JMJD1C: variants seen among roughly 807,000 people sequenced by gnomAD.
JMJD1C encodes the protein jumonji domain-containing protein 1C.
JMJD1C carries 31 observed loss-of-function variants against 245.3 expected under a neutral mutation model. The observed-to-expected ratio is 0.13, with a 90% CI of 0.09 to 0.17. JMJD1C has a LOEUF of 0.17. JMJD1C is among the 10% of genes least tolerant of loss of function. The probability of loss-of-function intolerance (pLI) is 1.00; values close to 1 mark genes in which losing one functional copy is unlikely to be tolerated. For synonymous variants in JMJD1C, 1,057 were observed against 1,017.4 expected, an observed-to-expected ratio of 1.04 and a Z score of -0.74; for missense variants, 2,691 against 3,000.2, an observed-to-expected ratio of 0.90 and a Z score of 2.41.
chr10:63,430,935 G>A (rs774832561), intron 1 of JMJD1C, among the ~76,000 whole-genome samples: 32 of 152,010 alleles, frequency 2.1e-4, no homozygotes, highest in Admixed American at 5.2e-4. Flanking sequence ...TGTTTCGTTC[G>A]ATGAAGACGA....
At position 63,465,636 on chromosome 10, in the gene JMJD1C, C is replaced by T. The variant is rs750072663; in HGVS notation, c.27G>A (p.Leu9=). The change falls in exon 1 of 26, where the codon CTG becomes CTA. Residue 9 remains leucine (L), a synonymous_variant. Coordinates refer to ENST00000399262, the MANE Select transcript of JMJD1C (RefSeq NM_032776.3). ...CCACACACAGGAACCGCTTACCCAC[C>T]AGCTCTGCCCGCGTCTCTACCGCCA... MAVETRAE[L]VGKRFLCVAV... 6 of 1,609,738 alleles carry T rather than the reference C, an allele frequency of 3.7e-6. No homozygotes were observed. In the East Asian group the frequency reaches 6.7e-5, roughly 18 times the overall value.
chr10:63,181,819 A>G (rs1348653648), intron 22 of JMJD1C, among the ~76,000 whole-genome samples: 1 of 152,190 alleles, frequency 6.6e-6, no homozygotes, highest in East Asian at 1.9e-4. Flanking sequence ...AATGAGATAC[A>G]AAGGATGTAA....
intron 1 of JMJD1C, among the ~76,000 whole-genome samples, chr10:63,510,089 G>A (rs976543115): frequency 5.3e-5 from 8 of 151,032 alleles, no homozygotes; most frequent in Non-Finnish European, 1.2e-4. Context: ...TGCAAGCTCC[G>A]CCTCCTAGGT....
At chr10:63,269,347 T>C in intron 2 of JMJD1C, 2 of 308,360 alleles carry the variant, frequency 6.5e-6, no homozygotes, top group Non-Finnish European at 9.5e-6. Flanking sequence ...TGATTACTCA[T>C]TTGGCTGCGG....
intron 1 of JMJD1C, among the ~76,000 whole-genome samples, chr10:63,402,495 T>TTA (rs1298384212): frequency 6.6e-6 from 1 of 152,170 alleles, no homozygotes; most frequent in African/African-American, 2.4e-5. Context: ...TCATAATGCC[T>TTA]TATCCCCATT....
At chr10:63,221,959 TG>T (rs1415277947) in intron 3 of JMJD1C, among the ~76,000 whole-genome samples, 2 of 152,154 alleles carry the variant, frequency 1.3e-5, no homozygotes, top group Non-Finnish European at 2.9e-5. Flanking sequence ...TGACCTCAGG[TG>T]ATCCACCTGC....
At chr10:63,521,844 T>TGCGGCGCCCCTGCTCCG (rs1241282205) in exon 1 of JMJD1C, 1 of 188,314 alleles carries the variant, frequency 5.3e-6, no homozygotes, top group Non-Finnish European at 1.1e-5. Flanking sequence ...CTGCGTGCGG[T>TGCGGCGCCCCTGCTCCG]GCGGCGCGGC....
intron 1 of JMJD1C, among the ~76,000 whole-genome samples, chr10:63,516,471 T>C (rs1044825151): frequency 6.6e-6 from 1 of 152,204 alleles, no homozygotes; most frequent in African/African-American, 2.4e-5. Context: ...TGCACCTGAA[T>C]ACCTGAAATC....
rs529250439 is a variant in JMJD1C, at chr10:63,259,469, C to T, written c.447+5182G>A. Among the ~76,000 whole-genome samples the T allele has an allele frequency of 1.6e-4, 24 of 152,180 alleles. No individual in the cohort carries two copies. In the South Asian group the frequency reaches 4.8e-3, roughly 30 times the overall value. ...ACTCCCTAAACTACTGCAAACTTAC[C>T]CTAGGCAACTGTTTGAGCTATTTTT... On this transcript the variant is annotated intron_variant, in intron 3 of 25. Coordinates refer to ENST00000399262, the MANE Select transcript of JMJD1C (RefSeq NM_032776.3).
At chr10:63,248,827 A>C (rs558594676) in intron 3 of JMJD1C, among the ~76,000 whole-genome samples, 12 of 152,360 alleles carry the variant, frequency 7.9e-5, no homozygotes, top group African/African-American at 2.6e-4. Flanking sequence ...ACTCCACCTA[A>C]GTGCTCATCA....
At chr10:63,397,597 A>T (rs1420437556) in intron 1 of JMJD1C, among the ~76,000 whole-genome samples, 1 of 152,118 alleles carries the variant, frequency 6.6e-6, no homozygotes, top group Non-Finnish European at 1.5e-5. Flanking sequence ...ACAGTGGCAC[A>T]ATCACGGTTC....
At chr10:63,255,842 C>T (rs1853830000) in intron 3 of JMJD1C, among the ~76,000 whole-genome samples, 1 of 151,938 alleles carries the variant, frequency 6.6e-6, no homozygotes, top group Admixed American at 6.6e-5. Context: ...AATTCTAATT[C>T]TAGTAAAATA....
At chr10:63,467,658 T>C (rs568694467), upstream of JMJD1C, among the ~76,000 whole-genome samples, 21 of 152,386 alleles carry the variant, frequency 1.4e-4, no homozygotes, top group Non-Finnish European at 2.8e-4. Context: ...GTATAATACT[T>C]AGCAAATTAT....
intron 2 of JMJD1C, chr10:63,269,119 G>A: frequency 1.0e-6 from 1 of 985,442 alleles, no homozygotes; most frequent in Non-Finnish European, 1.2e-6. Flanking sequence ...CAAATAAAGA[G>A]AACAGCCATC....
chr10:63,428,573 T>C (rs1285554665), intron 1 of JMJD1C, among the ~76,000 whole-genome samples: 1 of 152,130 alleles, frequency 6.6e-6, no homozygotes, highest in Non-Finnish European at 1.5e-5. Context: ...AACTTTTCAG[T>C]GACTATAAGC....
intron 2 of JMJD1C, among the ~76,000 whole-genome samples, chr10:63,311,876 C>T (rs1286728095): frequency 3.4e-5 from 5 of 146,404 alleles, no homozygotes; most frequent in South Asian, 2.1e-4. Flanking sequence ...AAGATGACAA[C>T]GCTGCACGGT....
intron 8 of JMJD1C, among the ~76,000 whole-genome samples, chr10:63,209,922 T>A (rs1847123184): frequency 6.6e-6 from 1 of 152,226 alleles, no homozygotes; most frequent in Non-Finnish European, 1.5e-5. Context: ...TTTTTCTATA[T>A]TCTGACTCAC....
intron 1 of JMJD1C, among the ~76,000 whole-genome samples, chr10:63,386,435 C>T (rs1413658403): frequency 6.6e-6 from 1 of 152,232 alleles, no homozygotes. Flanking sequence ...CATGCCACCC[C>T]TGTTGACCAC....
chr10:63,213,367 T>C (rs1453209667), intron 8 of JMJD1C, 106 bp downstream of exon 8: 19 of 735,332 alleles, frequency 2.6e-5, no homozygotes, highest in Admixed American at 5.1e-5. Context: ...AATTCTAACA[T>C]ATTTTATAAT....
Sources: allele counts gnomAD v4.1 joint callset (sites outside exome capture counted in the v4.1 genomes callset), GRCh38; gene constraint gnomAD v4.1.1; transcripts MANE v1.5; gene names NCBI Gene and HGNC (gene_info 2026-07-23, HGNC 2026-07-21).